IL6R: variants seen among roughly 807,000 people sequenced by gnomAD.
The protein encoded by IL6R is interleukin-6 receptor subunit alpha.
IL6R carries 38 observed loss-of-function variants against 48.3 expected under a neutral mutation model. That is an observed-to-expected ratio of 0.79 (90% CI 0.61 to 1.03). The LOEUF is 1.03. Ranked by LOEUF, IL6R falls within the 50% of genes least tolerant of loss-of-function variation. The pLI, the probability that IL6R is intolerant of heterozygous loss-of-function variation, is 0.00. For synonymous variants in IL6R, 264 were observed against 256.2 expected (o/e 1.03, Z -0.29); for missense variants, 534 against 618.3 (o/e 0.86, Z 1.45).
At chr1:154,437,229 C>T (rs950741371) in intron 6 of IL6R, among the ~76,000 whole-genome samples, 6 of 151,758 alleles carry the variant, frequency 4.0e-5, no homozygotes, top group Non-Finnish European at 8.8e-5. Context: ...GCCGAGCAGC[C>T]GGGACTACAG....
chr1:154,414,732 G>GT, intron 1 of IL6R: 2 of 804,352 alleles, frequency 2.5e-6, no homozygotes, highest in Non-Finnish European at 2.2e-6. Context: ...GGGACACAGG[G>GT]TTTTTGGTGT....
intron 1 of IL6R, among the ~76,000 whole-genome samples, chr1:154,419,834 G>A (rs1214311672): frequency 6.6e-6 from 1 of 152,204 alleles, no homozygotes; most frequent in East Asian, 1.9e-4. Flanking sequence ...TACTTGAAGA[G>A]GGGGAAAAAG....
intron 9 of IL6R, among the ~76,000 whole-genome samples, chr1:154,464,009 A>G (rs1016620167): frequency 6.6e-6 from 1 of 152,136 alleles, no homozygotes; most frequent in African/African-American, 2.4e-5. Flanking sequence ...AGGAACAGGA[A>G]GGCAGTTGAG....
intron 1 of IL6R, among the ~76,000 whole-genome samples, chr1:154,410,253 C>CTT (rs140751039): frequency 6.9e-6 from 1 of 144,082 alleles, no homozygotes; most frequent in Non-Finnish European, 1.5e-5. Flanking sequence ...AAGAAAAGGC[C>CTT]TTTTTTTTTT....
At chr1:154,458,078 C>T (rs1557781296) in intron 9 of IL6R, among the ~76,000 whole-genome samples, 2 of 151,578 alleles carry the variant, frequency 1.3e-5, no homozygotes, top group African/African-American at 2.4e-5. Flanking sequence ...GCCATTCTCC[C>T]GCCTCAGCCT....
intron 1 of IL6R, among the ~76,000 whole-genome samples, chr1:154,417,630 T>C (rs1688426708): frequency 6.6e-6 from 1 of 151,954 alleles, no homozygotes; most frequent in African/African-American, 2.4e-5. Context: ...AGTGCAGTGG[T>C]GCGATCTCGG....
intron 1 of IL6R, among the ~76,000 whole-genome samples, chr1:154,411,588 G>T (rs934962032): frequency 6.6e-6 from 1 of 152,202 alleles, no homozygotes; most frequent in Non-Finnish European, 1.5e-5. Context: ...CTCTGAGAGA[G>T]GCCGCTGAGG....
At chr1:154,435,272 G>A (rs941023381) in intron 5 of IL6R, 116 bp downstream of exon 5, 2 of 888,446 alleles carry the variant, frequency 2.3e-6, no homozygotes, top group Non-Finnish European at 1.7e-6. Context: ...CCCTTTGGGA[G>A]GCCAAGGTGG....
Position 154,465,298 on chromosome 1 carries a change from C to T in IL6R, c.1325C>T (p.Thr442Ile). ...CCCAGCAGCCTGGGGTCTGACAATACCTCGAGCCACAACCGACCAGATGCC... is the reference window on the plus strand; with the variant it reads ...CCCAGCAGCCTGGGGTCTGACAATATCTCGAGCCACAACCGACCAGATGCC... ...VSPSSLGSDN[T>I]SSHNRPDARD... Residue 442 changes from threonine to isoleucine, a missense_variant, in exon 10 of 10, where the codon ACC becomes ATC. Physicochemically the swap from Thr to Ile is moderately conservative, Grantham distance 89. Coordinates refer to ENST00000368485, the MANE Select transcript of IL6R (RefSeq NM_000565.4). 6.2e-7 allele frequency: 1 copy of T among 1,614,162 alleles called. No individual in the cohort carries two copies. Among genetic ancestry groups the T allele is most frequent in the Non-Finnish European group, 8.5e-7 (1 of 1,180,024 alleles).
chr1:154,424,830 G>A (rs572792897), intron 1 of IL6R, among the ~76,000 whole-genome samples: 43 of 152,182 alleles, frequency 2.8e-4, no homozygotes, highest in Non-Finnish European at 4.7e-4. Flanking sequence ...CTCAGACACC[G>A]AGTTAAAGAA....
chr1:154,450,110 G>A (rs952029767), intron 8 of IL6R, 130 bp downstream of exon 8: 98 of 554,542 alleles, frequency 1.8e-4, no homozygotes, highest in African/African-American at 1.7e-3. Flanking sequence ...TGTTCTGTGT[G>A]TGTGTGTGTG....
intron 9 of IL6R, among the ~76,000 whole-genome samples, chr1:154,458,628 C>T (rs1033017182): frequency 2.0e-5 from 3 of 152,228 alleles, no homozygotes; most frequent in Non-Finnish European, 2.9e-5. Flanking sequence ...AGGCCAGGCG[C>T]GGTGGCTCAC....
At chr1:154,441,711 T>C (rs1244354218) in intron 6 of IL6R, among the ~76,000 whole-genome samples, 1 of 151,936 alleles carries the variant, frequency 6.6e-6, no homozygotes, top group Non-Finnish European at 1.5e-5. Flanking sequence ...CCGTGTGGGG[T>C]GAGCTTACCC....
intron 1 of IL6R, chr1:154,418,279 G>A (rs1688464963): frequency 4.7e-6 from 1 of 212,662 alleles, no homozygotes; most frequent in African/African-American, 2.3e-5. Flanking sequence ...AGGAGGATTA[G>A]ATGTTTTATC....
chr1:154,464,696 T>C (rs530457893), intron 9 of IL6R, among the ~76,000 whole-genome samples: 10 of 152,128 alleles, frequency 6.6e-5, no homozygotes, highest in Admixed American at 6.5e-4. Context: ...TGCCGGCTCA[T>C]ACCTGTAATC....
chr1:154,432,798 A>G (rs1412890236), intron 3 of IL6R, among the ~76,000 whole-genome samples: 1 of 152,194 alleles, frequency 6.6e-6, no homozygotes, highest in Non-Finnish European at 1.5e-5. Context: ...AGGAAAGAGC[A>G]GGGGAAGTGG....
chr1:154,421,414 G>C (rs933410309), intron 1 of IL6R, among the ~76,000 whole-genome samples: 2 of 152,192 alleles, frequency 1.3e-5, no homozygotes, highest in Non-Finnish European at 2.9e-5. Context: ...GGCAGCACAG[G>C]ATGGCCTCCA....
At chr1:154,455,717 G>C (rs1444698775) in intron 9 of IL6R, among the ~76,000 whole-genome samples, 1 of 150,868 alleles carries the variant, frequency 6.6e-6, no homozygotes, top group African/African-American at 2.4e-5. Context: ...CTCCCAAAGT[G>C]CTGGGATTAC....
chr1:154,407,881 T>G (rs1192991223), intron 1 of IL6R, among the ~76,000 whole-genome samples: 2 of 152,118 alleles, frequency 1.3e-5, no homozygotes, highest in African/African-American at 2.4e-5. Context: ...TGACTCAAGT[T>G]CCCTCTTCCT....
Sources: allele counts gnomAD v4.1 joint callset (sites outside exome capture counted in the v4.1 genomes callset), GRCh38; gene constraint gnomAD v4.1.1; transcripts MANE v1.5; gene names NCBI Gene and HGNC (gene_info 2026-07-23, HGNC 2026-07-21).